Variants in TCF21 observed in about 807,000 individuals in gnomAD.
TCF21 encodes the protein capsulin.
In TCF21, 3 loss-of-function variants were observed where a neutral mutation model predicts 13.5. That is an observed-to-expected ratio of 0.22 (90% confidence interval 0.10 to 0.57). The LOEUF is 0.57. Among genes scored for constraint, TCF21 ranks in the 20% least tolerant of loss-of-function variants. The pLI, the probability that TCF21 is intolerant of heterozygous loss-of-function variation, is 0.92. For synonymous variants in TCF21, 92 were observed against 101.7 expected, an observed-to-expected ratio of 0.90 and a Z score of 0.57; for missense variants, 181 against 238.4, an observed-to-expected ratio of 0.76 and a Z score of 1.59.
At chr6:133,891,624 CG>C in intron 1 of TCF21, 88 bp from the exon 2 acceptor site, 2 of 1,134,192 alleles carry the variant, frequency 1.8e-6, no homozygotes, top group Admixed American at 2.1e-5. Flanking sequence ...CTGCCCCCAC[CG>C]CCCCCCTTCC....
At chr6:133,892,998 C>G (rs890226832), downstream of TCF21, 22 of 152,270 alleles carry the variant, frequency 1.4e-4, no homozygotes, top group African/African-American at 5.3e-4. Context: ...GGCCGATGCG[C>G]CAGATGCCAC....
intron 1 of TCF21, among the ~76,000 whole-genome samples, chr6:133,890,902 T>C (rs1178347568): frequency 6.6e-6 from 1 of 152,222 alleles, no homozygotes; most frequent in Non-Finnish European, 1.5e-5. Flanking sequence ...TTCTCTCCAA[T>C]TGAAAGTTTG....
chr6:133,891,781 A>T lies in TCF21; in HGVS notation c.519A>T (p.Leu173Phe). The T allele has an allele frequency of 6.2e-7, 1 of 1,613,956 alleles. No homozygotes were observed. Among genetic ancestry groups the T allele is most frequent in the Non-Finnish European group, 8.5e-7 (1 of 1,179,972 alleles). ...DLKEVVTASR[L>F]CGTTAS Reference sequence around the variant, plus strand: ...AAGAAGTGGTGACCGCGAGCCGCTTATGTGGAACCACCGCGTCCTGACCTT... The same window carrying T: ...AAGAAGTGGTGACCGCGAGCCGCTTTTGTGGAACCACCGCGTCCTGACCTT... Residue 173 changes from leucine (L) to phenylalanine (F), a missense_variant, in exon 2 of 2, where the codon TTA becomes TTT. Around this residue, in one of 3 missense-constraint regions of TCF21, gnomAD observed 55 missense variants for 59.5 expected, o/e 0.92. Coordinates refer to ENST00000367882, the MANE Select transcript of TCF21 (RefSeq NM_003206.4).
intron 1 of TCF21, among the ~76,000 whole-genome samples, chr6:133,890,280 C>T (rs532908031): frequency 6.6e-5 from 10 of 152,238 alleles, no homozygotes; most frequent in Non-Finnish European, 1.2e-4. Flanking sequence ...TTTTCCTTTC[C>T]TTGTAAATAA....
In TCF21 at chr6:133,892,080, A is replaced by C; in HGVS notation, c.*278A>C. ...GTCCAAGTGCAATATGTAATTATAA[A>C]TATATAAATAGATAAGAGCCTATCA... On this transcript the variant is annotated 3_prime_UTR_variant, in exon 2 of 2. Coordinates refer to ENST00000367882, the MANE Select transcript of TCF21 (RefSeq NM_003206.4). 2 of 329,326 alleles carry C rather than the reference A, an allele frequency of 6.1e-6. No homozygotes were observed. Among genetic ancestry groups the C allele is most frequent in the Non-Finnish European group, 1.1e-5 (2 of 175,352 alleles). The allele number at this position is 329,326 out of a possible 1,614,324, so 20.4% of individuals were successfully genotyped here. A position where few individuals can be genotyped will look rare whatever the true frequency, so the allele number is the denominator to read the frequency against.
chr6:133,889,548 A>C lies in TCF21; in HGVS notation c.151A>C (p.Lys51Gln), dbSNP rs1364607828. Residue 51 changes from lysine to glutamine, a missense_variant, in exon 1 of 2, where the codon AAG becomes CAG. By Grantham distance (53) the Lys-to-Gln change is moderately conservative. Coordinates refer to ENST00000367882, the MANE Select transcript of TCF21 (RefSeq NM_003206.4). The surrounding 1 kb of genome is among the most constrained non-coding windows in gnomAD (Gnocchi z 5.1). ...CAACTGCGAGAATGGGTCTCCCCAGAAGGGCCGCGGCGGCCTGGGCAAGAG... is the reference window on the plus strand; with the variant it reads ...CAACTGCGAGAATGGGTCTCCCCAGCAGGGCCGCGGCGGCCTGGGCAAGAG... ...SSNCENGSPQKGRGGLGKRRK... is the reference protein window; with the variant it reads ...SSNCENGSPQQGRGGLGKRRK... The C allele has an allele frequency of 6.2e-7, 1 of 1,613,788 alleles. No homozygotes were observed. The highest frequency in any genetic ancestry group is 1.7e-5 in the Admixed American group (1 of 60,000).
intron 1 of TCF21, among the ~76,000 whole-genome samples, chr6:133,890,601 T>G (rs1397588292): frequency 6.6e-6 from 1 of 152,218 alleles, no homozygotes; most frequent in Non-Finnish European, 1.5e-5. Flanking sequence ...TGATAATCAT[T>G]GAGTCTACTT....
Position 133,889,918 on chromosome 6 carries a change from G to A in TCF21, c.450+71G>A. On this transcript the variant is annotated intron_variant, in intron 1 of 1. Transcript: ENST00000367882. The surrounding 1 kb of genome is among the most constrained non-coding windows in gnomAD (Gnocchi z 5.1). ...TCCCGCCTGCGGTGGGCGCGAGTGC[G>A]CGCGGGGCTGGGAGTGGGGGTGTGG... 1.3e-6 allele frequency: 2 copies of A among 1,561,278 alleles called. No homozygotes were observed. Among genetic ancestry groups the A allele is most frequent in the Non-Finnish European group, 1.8e-6 (2 of 1,135,738 alleles).
downstream of TCF21, chr6:133,894,685 C>T (rs1041595721): frequency 3.9e-5 from 6 of 152,664 alleles, no homozygotes; most frequent in African/African-American, 1.4e-4. Flanking sequence ...CTACCCTGCT[C>T]CAGCTTCAGC....
In TCF21 at chr6:133,889,924, G is replaced by T; in HGVS notation, c.450+77G>T. On this transcript the variant is annotated intron_variant, in intron 1 of 1. Transcript: ENST00000367882. The surrounding 1 kb of genome is among the most constrained non-coding windows in gnomAD (Gnocchi z 5.1). The stretch of plus-strand genomic sequence containing the variant: ...CTGCGGTGGGCGCGAGTGCGCGCGG[G>T]GCTGGGAGTGGGGGTGTGGGCGCGG... The T allele has an allele frequency of 6.6e-7, 1 of 1,524,318 alleles. No homozygotes were observed. Among genetic ancestry groups the T allele is most frequent in the Non-Finnish European group, 9.1e-7 (1 of 1,102,956 alleles). The allele number at this position is 1,524,318 out of a possible 1,614,324, so 94.4% of individuals were successfully genotyped here. A position where few individuals can be genotyped will look rare whatever the true frequency, so the allele number is the denominator to read the frequency against.
In TCF21 at chr6:133,889,818, G is replaced by A. The variant is rs1775177742; in HGVS notation, c.421G>A (p.Glu141Lys). 1 of 1,612,974 alleles carries A rather than the reference G, an allele frequency of 6.2e-7. No individual in the cohort carries two copies. Among genetic ancestry groups the A allele is most frequent in the Non-Finnish European group, 8.5e-7 (1 of 1,179,878 alleles). The change falls in exon 1 of 2, where the codon GAG becomes AAG. Residue 141 changes from glutamate to lysine, a missense_variant. By Grantham distance (56) the Glu-to-Lys change is moderately conservative (BLOSUM62 1). Around this residue, in one of 3 missense-constraint regions of TCF21, gnomAD observed 55 missense variants for 59.5 expected, o/e 0.92. Transcript: ENST00000367882. The surrounding 1 kb of genome is among the most constrained non-coding windows in gnomAD (Gnocchi z 5.1). ...GCAGATCCTGGCTAACGACAAATAC[G>A]AGAACGGGTACATTCACCCGGTCAA... ...LRQILANDKY[E>K]NGYIHPVNLT...
At position 133,889,679 on chromosome 6, in the gene TCF21, G is replaced by A. The variant is rs769368738; in HGVS notation, c.282G>A (p.Val94=). The A allele has an allele frequency of 3.1e-6, 5 of 1,613,864 alleles. No individual in the cohort carries two copies. The South Asian group carries it at 4.4e-5, about 14-fold the overall frequency. Residue 94 remains valine (V), a synonymous_variant, in exon 1 of 2, where the codon GTG becomes GTA. Coordinates refer to ENST00000367882, the MANE Select transcript of TCF21 (RefSeq NM_003206.4). The surrounding 1 kb of genome is among the most constrained non-coding windows in gnomAD (Gnocchi z 5.1). ...ANARERARMR[V]LSKAFSRLKT... ...CGCGAGAGCGGGCCCGCATGCGAGT[G>A]CTGAGCAAGGCCTTCTCCAGACTCA...
chr6:133,891,874 C>G lies in TCF21; in HGVS notation c.*72C>G. 1 of 1,502,456 alleles carries G rather than the reference C, an allele frequency of 6.7e-7. No individual in the cohort carries two copies. The highest frequency in any genetic ancestry group is 2.3e-5 in the East Asian group (1 of 43,362). 93.1% of individuals were successfully genotyped at this position (1,502,456 alleles called of 1,614,324 possible). On this transcript the variant is annotated 3_prime_UTR_variant, in exon 2 of 2. Coordinates refer to ENST00000367882, the MANE Select transcript of TCF21 (RefSeq NM_003206.4). Reference sequence around the variant, plus strand: ...GCCCCGGGAAGGCGACCCCTGCCCTCAGTGCTCTCTGTCTCTGCTTCCCCC... The same window carrying G: ...GCCCCGGGAAGGCGACCCCTGCCCTGAGTGCTCTCTGTCTCTGCTTCCCCC...
Position 133,889,353 on chromosome 6 carries a change from CTCTCTG to C in TCF21, c.-39_-34del, listed in dbSNP as rs1562634440. On this transcript the variant is annotated 5_prime_UTR_variant, in exon 1 of 2. Coordinates refer to ENST00000367882, the MANE Select transcript of TCF21 (RefSeq NM_003206.4). The surrounding 1 kb of genome is among the most constrained non-coding windows in gnomAD (Gnocchi z 5.1). Reference sequence around the variant, plus strand: ...TCACCCTCTTCCTCGCTTTCTCTGTCTCTCTGTCTCTCTCTCTCTCTCTCCCTCGTC... The same window carrying C: ...TCACCCTCTTCCTCGCTTTCTCTGTCTCTCTCTCTCTCTCTCTCCCTCGTC... 2.5e-6 allele frequency: 4 copies of C among 1,594,738 alleles called. No homozygotes were observed. In the African/African-American group the frequency reaches 5.6e-5, roughly 22 times the overall value.
chr6:133,891,457 A>G lies in TCF21; in HGVS notation c.451-256A>G, dbSNP rs9402546. 0.87 allele frequency among the ~76,000 whole-genome samples: 132,298 copies of G among 152,250 alleles called. 57,685 individuals are homozygous for G. The highest frequency in any genetic ancestry group is 0.92 in the Admixed American group (14,043 of 15,308). ...TTGAGTCTCACAAGGAACCCAGTAT[A>G]AGCCCTTTTGGCTCTCATTCTAAAA... On this transcript the variant is annotated intron_variant, in intron 1 of 1. Coordinates refer to ENST00000367882, the MANE Select transcript of TCF21 (RefSeq NM_003206.4).
At chr6:133,890,378 C>T (rs1462774790) in intron 1 of TCF21, among the ~76,000 whole-genome samples, 1 of 152,134 alleles carries the variant, frequency 6.6e-6, no homozygotes, top group African/African-American at 2.4e-5. Flanking sequence ...CACGTAAGCC[C>T]TTAACCGCTT....
intron 1 of TCF21, among the ~76,000 whole-genome samples, chr6:133,890,139 G>T (rs892835106): frequency 3.9e-5 from 6 of 152,180 alleles, no homozygotes; most frequent in Non-Finnish European, 8.8e-5. Flanking sequence ...GGGATCCCCC[G>T]CTCCCGCTCC....
downstream of TCF21, chr6:133,893,374 A>C (rs1051867757): frequency 6.6e-6 from 1 of 152,328 alleles, no homozygotes; most frequent in Non-Finnish European, 1.5e-5. Flanking sequence ...CCAAGGGCTG[A>C]GAACTTCGGT....
rs1775182917 is a variant in TCF21 at position 133,889,995 on chromosome 6, G to T, written c.450+148G>T. 1.2e-6 allele frequency: 1 copy of T among 864,590 alleles called. No individual in the cohort carries two copies. Among genetic ancestry groups the T allele is most frequent in the South Asian group, 1.5e-5 (1 of 65,890 alleles). The allele number at this position is 864,590 out of a possible 1,614,324, so 53.6% of individuals were successfully genotyped here. On this transcript the variant is annotated intron_variant, in intron 1 of 1. Coordinates refer to ENST00000367882, the MANE Select transcript of TCF21 (RefSeq NM_003206.4). The surrounding 1 kb of genome is among the most constrained non-coding windows in gnomAD (Gnocchi z 5.1). ...CCACCGCGGGCCTAGAGCCTCCAGG[G>T]ACCGGAGGCGGGCGGTCTAGACACG...
Sources: gnomAD v4.1 joint callset for allele counts (sites outside exome capture counted in the v4.1 genomes callset) on GRCh38, gnomAD v4.1.1 for gene constraint, gnomAD v4.1.1 regional missense constraint, Gnocchi (gnomAD v3.1) non-coding constraint, MANE v1.5 for transcripts, NCBI Gene and HGNC (gene_info 2026-07-23, HGNC 2026-07-21) for gene names.